The following COMMD10 variants were observed in gnomAD, a reference collection of about 807,000 sequenced individuals.
COMMD10 encodes COMM domain-containing protein 10.
A neutral mutation model predicts 28.9 loss-of-function variants in COMMD10; 33 were observed. The observed-to-expected ratio is 1.14, with a 90% CI of 0.87 to 1.53. The LOEUF (loss-of-function observed/expected upper bound fraction) is 1.53, where lower values mean the gene tolerates loss of function less well. COMMD10 is among the 40% of genes most tolerant of loss of function. The pLI, the probability that COMMD10 is intolerant of heterozygous loss-of-function variation, is 0.00. For synonymous variants in COMMD10, 110 were observed against 81.7 expected (o/e 1.35, Z -1.87); for missense variants, 310 against 233.4 (o/e 1.33, Z -2.14).
At chr5:116,092,377 C>G (rs753003098) in intron 3 of COMMD10, among the ~76,000 whole-genome samples, 168 bp from the exon 4 acceptor site, 10 of 152,042 alleles carry the variant, frequency 6.6e-5, no homozygotes, top group Non-Finnish European at 1.2e-4. Flanking sequence ...ATCTTCCAGC[C>G]CTTGGTCGTG....
At chr5:116,114,706 A>T (rs1314242969) in intron 4 of COMMD10, among the ~76,000 whole-genome samples, 3 of 152,158 alleles carry the variant, frequency 2.0e-5, no homozygotes, top group Non-Finnish European at 2.9e-5. Context: ...GAGTGGGGCT[A>T]CTGGTCCCAG....
intron 5 of COMMD10, among the ~76,000 whole-genome samples, chr5:116,272,263 G>A (rs1750779815): frequency 6.6e-6 from 1 of 151,714 alleles, no homozygotes; most frequent in South Asian, 2.1e-4. Context: ...ATATTTTTAA[G>A]ATCAGGAAAT....
At chr5:116,159,321 C>T (rs910802422) in intron 5 of COMMD10, among the ~76,000 whole-genome samples, 1 of 152,186 alleles carries the variant, frequency 6.6e-6, no homozygotes, top group African/African-American at 2.4e-5. Context: ...CCAAAATGCT[C>T]TTGCCTCATG....
intron 5 of COMMD10, among the ~76,000 whole-genome samples, chr5:116,213,161 C>T (rs1749011354): frequency 6.6e-6 from 1 of 151,980 alleles, no homozygotes; most frequent in Non-Finnish European, 1.5e-5. Flanking sequence ...TATGAAAAAA[C>T]AGTCTTCCCT....
At chr5:116,152,957 A>T (rs1254535680) in intron 5 of COMMD10, among the ~76,000 whole-genome samples, 1 of 152,050 alleles carries the variant, frequency 6.6e-6, no homozygotes, top group Non-Finnish European at 1.5e-5. Flanking sequence ...TTTTGTTTCC[A>T]GCTATACAGA....
At chr5:116,176,779 T>C (rs536965047) in intron 5 of COMMD10, among the ~76,000 whole-genome samples, 1 of 152,060 alleles carries the variant, frequency 6.6e-6, no homozygotes, top group Non-Finnish European at 1.5e-5. Flanking sequence ...CTAAATCTAA[T>C]AAGGAGACAG....
chr5:116,213,415 C>T (rs1262265072), intron 5 of COMMD10, among the ~76,000 whole-genome samples: 3 of 152,028 alleles, frequency 2.0e-5, no homozygotes, highest in Admixed American at 6.6e-5. Context: ...ACCTCTGGGT[C>T]ATGGTAAAAA....
chr5:116,140,227 TA>T (rs1178497396), intron 5 of COMMD10, among the ~76,000 whole-genome samples: 1 of 49,718 alleles, frequency 2.0e-5, no homozygotes, highest in Non-Finnish European at 3.7e-5. Flanking sequence ...TGACTCATAC[TA>T]CTATGTGTGT....
In COMMD10 at chr5:116,259,469, A is replaced by G. The variant is rs1197907987; in HGVS notation, c.511-32048A>G. 7.3e-5 allele frequency among the ~76,000 whole-genome samples: 11 copies of G among 150,816 alleles called. No homozygotes were observed. The East Asian group carries it at 1.8e-3, about 24-fold the overall frequency. ...TTCCTCTGTTTCTTTTACTCTGCTG[A>G]GTGTTATTTCTTCAATATGTTAAGT... On this transcript the variant is annotated intron_variant, in intron 5 of 6. Coordinates refer to ENST00000274458, the MANE Select transcript of COMMD10 (RefSeq NM_016144.4).
chr5:116,110,943 C>A (rs749593232), intron 4 of COMMD10, among the ~76,000 whole-genome samples: 1 of 152,166 alleles, frequency 6.6e-6, no homozygotes, highest in Non-Finnish European at 1.5e-5. Flanking sequence ...TCAGGCCCCA[C>A]CTCCAACATT....
At chr5:116,291,421 A>G (rs1274149026) in intron 5 of COMMD10, 96 bp from the exon 6 acceptor site, 2 of 836,888 alleles carry the variant, frequency 2.4e-6, no homozygotes, top group Non-Finnish European at 2.0e-6. Flanking sequence ...CACTCAGAGG[A>G]CAATCTTATG....
At chr5:116,256,036 A>T (rs372509474) in intron 5 of COMMD10, among the ~76,000 whole-genome samples, 1 of 151,642 alleles carries the variant, frequency 6.6e-6, no homozygotes, top group African/African-American at 2.4e-5. Context: ...AGCTAAATAA[A>T]GTAGCGCAAA....
chr5:116,199,333 T>G (rs779579083), intron 5 of COMMD10, among the ~76,000 whole-genome samples: 17 of 152,144 alleles, frequency 1.1e-4, no homozygotes, highest in Non-Finnish European at 1.9e-4. Context: ...TTAAGAGTTC[T>G]TCATATATTT....
At chr5:116,173,338 T>TAC (rs1753399090) in intron 5 of COMMD10, among the ~76,000 whole-genome samples, 1 of 152,276 alleles carries the variant, frequency 6.6e-6, no homozygotes, top group African/African-American at 2.4e-5. Flanking sequence ...CAGTTATATA[T>TAC]ACACCTTTAA....
At chr5:116,188,308 G>A (rs1580533524) in intron 5 of COMMD10, 1 of 152,130 alleles carries the variant, frequency 6.6e-6, no homozygotes, top group African/African-American at 2.4e-5. Flanking sequence ...TACACTGGGG[G>A]TGGCGGGCAT....
chr5:116,091,154 C>G lies in COMMD10; in HGVS notation c.208C>G (p.Leu70Val). 7 of 1,607,906 alleles carry G rather than the reference C, an allele frequency of 4.4e-6. 1 individual carries two copies. The highest frequency in any genetic ancestry group is 2.2e-5 in the South Asian group (2 of 89,998). Residue 70 changes from leucine to valine, a missense_variant, in exon 3 of 7, where the codon CTA becomes GTA. Leu to Val is a conservative substitution (Grantham distance 32). Transcript: ENST00000274458. ...AFSLEKQDLH[L>V]VLETISFILE... ...TTCTCTAGAGAAACAAGATCTTCAC[C>G]TAGTTCTTGAAACAATATCATTTAT...
chr5:116,099,630 A>G (rs952532757), intron 4 of COMMD10, among the ~76,000 whole-genome samples: 1 of 152,148 alleles, frequency 6.6e-6, no homozygotes, highest in Non-Finnish European at 1.5e-5. Flanking sequence ...TTTTGATAAT[A>G]GGTATTTTAA....
intron 4 of COMMD10, among the ~76,000 whole-genome samples, chr5:116,104,626 CT>C (rs888264145): frequency 6.0e-4 from 88 of 145,570 alleles, no homozygotes; most frequent in South Asian, 2.0e-3. Context: ...TCTTTTTTTT[CT>C]TTTTTTTTTT....
intron 5 of COMMD10, among the ~76,000 whole-genome samples, chr5:116,186,488 G>A (rs746288002): frequency 4.6e-5 from 7 of 152,050 alleles, no homozygotes; most frequent in Non-Finnish European, 7.4e-5. Flanking sequence ...AACACTCTCT[G>A]CCTTCCTCAA....
Sources: allele counts gnomAD v4.1 joint callset (sites outside exome capture counted in the v4.1 genomes callset), GRCh38; gene constraint gnomAD v4.1.1; transcripts MANE v1.5; gene names NCBI Gene and HGNC (gene_info 2026-07-23, HGNC 2026-07-21).